IRAK1BP1: variants seen among roughly 807,000 people sequenced by gnomAD.
IRAK1BP1 encodes the protein interleukin-1 receptor-associated kinase 1-binding protein 1.
In IRAK1BP1, 24 loss-of-function variants were observed where a neutral mutation model predicts 28.0. That is an observed-to-expected ratio of 0.86 (90% CI 0.62 to 1.20). The LOEUF is 1.20. IRAK1BP1 is among the 50% of genes most tolerant of loss of function. The pLI is 0.00. For synonymous variants in IRAK1BP1, 131 were observed against 116.3 expected (o/e 1.13, Z -0.81); for missense variants, 336 against 316.7 (o/e 1.06, Z -0.46).
Position 78,885,459 on chromosome 6 carries a change from A to G in IRAK1BP1, c.381+16A>G. 1 of 1,320,070 alleles carries G rather than the reference A, an allele frequency of 7.6e-7. No homozygotes were observed. Among genetic ancestry groups the G allele is most frequent in the Non-Finnish European group, 1.1e-6 (1 of 945,054 alleles). 81.8% of individuals were successfully genotyped at this position (1,320,070 alleles called of 1,614,324 possible). On this transcript the variant is annotated intron_variant, in intron 2 of 3. Coordinates refer to ENST00000369940, the MANE Select transcript of IRAK1BP1 (RefSeq NM_001010844.4). ...GGAAGCAGAGGTATGTACTTAACAA[A>G]TAATTGGAAGCAGCATGATTTTGTG...
chr6:78,922,726 C>T (rs914881696), intron 4 of IRAK1BP1, among the ~76,000 whole-genome samples: 22 of 152,274 alleles, frequency 1.4e-4, no homozygotes, highest in East Asian at 3.9e-4. Context: ...GCTGATCTCT[C>T]GGCAGAAACT....
chr6:78,867,614 T>G lies in IRAK1BP1; in HGVS notation c.38T>G (p.Val13Gly). The G allele has an allele frequency of 6.2e-7, 1 of 1,614,200 alleles. No homozygotes were observed. The highest frequency in any genetic ancestry group is 8.5e-7 in the Non-Finnish European group (1 of 1,180,018). Residue 13 changes from valine (V) to glycine (G), a missense_variant, in exon 1 of 4, where the codon GTG becomes GGG. Physicochemically the swap from Val to Gly is moderately radical, Grantham distance 109. Transcript: ENST00000369940. ...LQKTPPTRVF[V>G]ELVPWADRSR... is the part of the protein sequence containing the mutation. The stretch of plus-strand genomic sequence containing the variant: ...AAGACCCCTCCGACCCGAGTGTTCG[T>G]GGAACTGGTTCCCTGGGCTGACCGG...
chr6:78,923,130 A>C (rs911512043), intron 4 of IRAK1BP1, among the ~76,000 whole-genome samples: 1 of 152,202 alleles, frequency 6.6e-6, no homozygotes, highest in African/African-American at 2.4e-5. Flanking sequence ...CAGACTGGCA[A>C]ATTGGATAAA....
chr6:78,871,478 G>A (rs536703095), intron 1 of IRAK1BP1: 20 of 985,446 alleles, frequency 2.0e-5, no homozygotes, highest in Non-Finnish European at 2.2e-5. Context: ...ATGACACCCA[G>A]TAGGAGGTAT....
chr6:78,958,723 C>T, the IRAK1BP1 span: 1 of 658,588 alleles, frequency 1.5e-6, no homozygotes, highest in South Asian at 1.8e-5. Flanking sequence ...AACCATTGGT[C>T]TTATAAAGTC....
At chr6:78,870,096 T>A (rs1770740505) in intron 1 of IRAK1BP1, among the ~76,000 whole-genome samples, 1 of 94,214 alleles carries the variant, frequency 1.1e-5, no homozygotes, top group African/African-American at 4.4e-5. Flanking sequence ...GCAACAAGAG[T>A]GAAACTCCGT....
intron 4 of IRAK1BP1, among the ~76,000 whole-genome samples, chr6:78,912,239 C>T (rs1772446646): frequency 6.6e-6 from 1 of 152,022 alleles, no homozygotes. Context: ...CAGATTTAGA[C>T]TCTCTATAGT....
At chr6:78,920,341 C>CA (rs1772689741) in intron 4 of IRAK1BP1, among the ~76,000 whole-genome samples, 3 of 151,978 alleles carry the variant, frequency 2.0e-5, no homozygotes, top group Admixed American at 1.3e-4. Context: ...CAATCCTAAG[C>CA]AAAAAGAAAA....
At chr6:78,955,477 AGTT>A in the IRAK1BP1 span, 57 of 551,304 alleles carry the variant, frequency 1.0e-4, no homozygotes, top group Middle Eastern at 8.7e-4. Flanking sequence ...TTCTACTGCC[AGTT>A]GTTTTTTTTT....
intron 1 of IRAK1BP1, among the ~76,000 whole-genome samples, chr6:78,877,119 G>C (rs543973525): frequency 6.6e-6 from 1 of 152,294 alleles, no homozygotes; most frequent in African/African-American, 2.4e-5. Flanking sequence ...GGACAGTTTG[G>C]TGATTGGCTA....
chr6:78,978,079 A>G, the IRAK1BP1 span, among the ~76,000 whole-genome samples: 2 of 152,124 alleles, frequency 1.3e-5, no homozygotes, highest in Non-Finnish European at 2.9e-5. Context: ...ATTCACAAGT[A>G]CATATTCTAA....
At chr6:78,972,833 A>T in the IRAK1BP1 span, among the ~76,000 whole-genome samples, 2 of 152,214 alleles carry the variant, frequency 1.3e-5, no homozygotes, top group Non-Finnish European at 2.9e-5. Flanking sequence ...AGAGAAAAAA[A>T]CAATAAAAAG....
downstream of IRAK1BP1, chr6:78,947,656 A>G: frequency 6.7e-7 from 1 of 1,498,024 alleles, no homozygotes; most frequent in Non-Finnish European, 9.3e-7. Flanking sequence ...ATGCTTTGGA[A>G]TTACTGAAAA....
chr6:78,950,776 T>A (rs770364152), downstream of IRAK1BP1, among the ~76,000 whole-genome samples: 1 of 152,140 alleles, frequency 6.6e-6, no homozygotes, highest in Non-Finnish European at 1.5e-5. Flanking sequence ...ATTCTGTTGA[T>A]CTTCTCAAAG....
chr6:78,922,365 G>C (rs537137830), intron 4 of IRAK1BP1, among the ~76,000 whole-genome samples: 1 of 152,078 alleles, frequency 6.6e-6, no homozygotes, highest in Non-Finnish European at 1.5e-5. Flanking sequence ...GAGAAGAGAA[G>C]TTTAGAGAAA....
intron 2 of IRAK1BP1, among the ~76,000 whole-genome samples, chr6:78,897,478 C>T (rs183904476): frequency 3.3e-5 from 5 of 152,148 alleles, no homozygotes; most frequent in Admixed American, 2.0e-4. Context: ...TACTACTAAT[C>T]AGGAAGCTAA....
chr6:78,930,041 T>TTCCTC (rs1773001855), intron 4 of IRAK1BP1, among the ~76,000 whole-genome samples: 1 of 152,074 alleles, frequency 6.6e-6, no homozygotes, highest in East Asian at 1.9e-4. Flanking sequence ...GGCTCAAGCA[T>TTCCTC]TCCTCCTATG....
chr6:78,883,224 A>G (rs1171104285), intron 1 of IRAK1BP1, among the ~76,000 whole-genome samples: 1 of 152,172 alleles, frequency 6.6e-6, no homozygotes, highest in African/African-American at 2.4e-5. Flanking sequence ...TTGTACCACT[A>G]CACTGCAGCC....
chr6:78,950,470 G>A (rs926135702), downstream of IRAK1BP1, among the ~76,000 whole-genome samples: 3 of 152,094 alleles, frequency 2.0e-5, no homozygotes, highest in African/African-American at 7.2e-5. Flanking sequence ...AGCCATCCAG[G>A]ACTAGACATT....
Sources: gnomAD v4.1 joint callset for allele counts (sites outside exome capture counted in the v4.1 genomes callset) on GRCh38, gnomAD v4.1.1 for gene constraint, MANE v1.5 for transcripts, NCBI Gene and HGNC (gene_info 2026-07-23, HGNC 2026-07-21) for gene names.